The following FRMD6 variants were observed in gnomAD, a reference collection of about 807,000 sequenced individuals.
FRMD6 encodes the protein FERM domain-containing protein 6.
Under a neutral mutation model 73.2 loss-of-function variants are expected in FRMD6, and 37 were observed. That is an observed-to-expected ratio of 0.51 (90% confidence interval 0.39 to 0.66). The LOEUF (loss-of-function observed/expected upper bound fraction) is 0.66. FRMD6 is among the 30% of genes least tolerant of loss of function. FRMD6 has a pLI of 0.00. For synonymous variants in FRMD6, 273 were observed against 282.2 expected (o/e 0.97, Z 0.33); for missense variants, 714 against 780.5 (o/e 0.91, Z 1.02).
intron 5 of FRMD6, among the ~76,000 whole-genome samples, 194 bp downstream of exon 5, chr14:51,702,782 G>A (rs1174129201): frequency 1.3e-5 from 2 of 151,864 alleles, no homozygotes; most frequent in Non-Finnish European, 2.9e-5. Context: ...GATACAATAG[G>A]CATTCAGTAA....
chr14:51,532,741 A>C (rs1885662374), intron 1 of FRMD6, among the ~76,000 whole-genome samples: 1 of 152,232 alleles, frequency 6.6e-6, no homozygotes, highest in Non-Finnish European at 1.5e-5. Context: ...GTTTGTACTT[A>C]GTTCTGTCAT....
intron 1 of FRMD6, among the ~76,000 whole-genome samples, chr14:51,677,992 C>T (rs1894511772): frequency 6.6e-6 from 1 of 152,098 alleles, no homozygotes; most frequent in African/African-American, 2.4e-5. Flanking sequence ...CATCAAACCA[C>T]CTGTGGGGCC....
chr14:51,490,873 C>T (rs17124008), intron 1 of FRMD6, among the ~76,000 whole-genome samples: 2,519 of 152,258 alleles, frequency 0.017, 35 homozygotes, highest in Middle Eastern at 0.054. Context: ...GCTCAAGCTT[C>T]CTTAAAATCC....
upstream of FRMD6, among the ~76,000 whole-genome samples, chr14:51,485,848 G>A (rs905849960): frequency 6.6e-6 from 1 of 151,958 alleles, no homozygotes; most frequent in African/African-American, 2.4e-5. Context: ...TAACTTTCCC[G>A]AGGTGAGGAA....
At chr14:51,705,335 G>T (rs775425999) in intron 6 of FRMD6, among the ~76,000 whole-genome samples, 8 of 151,916 alleles carry the variant, frequency 5.3e-5, no homozygotes, top group Non-Finnish European at 1.0e-4. Flanking sequence ...TCAACTTCTG[G>T]CTCCGGCCTC....
At chr14:51,525,248 C>T (rs1188361336) in intron 1 of FRMD6, among the ~76,000 whole-genome samples, 2 of 151,398 alleles carry the variant, frequency 1.3e-5, no homozygotes, top group East Asian at 1.9e-4. Flanking sequence ...TTTTAAAGGC[C>T]CTTCTTTATT....
At chr14:51,587,817 C>T (rs1372289380) in intron 2 of FRMD6, among the ~76,000 whole-genome samples, 2 of 152,168 alleles carry the variant, frequency 1.3e-5, no homozygotes, top group Non-Finnish European at 2.9e-5. Context: ...ACAAGTGGTC[C>T]CTGTCCATGA....
intron 1 of FRMD6, among the ~76,000 whole-genome samples, chr14:51,675,301 G>T (rs539286309): frequency 2.0e-5 from 3 of 152,162 alleles, no homozygotes; most frequent in Admixed American, 2.0e-4. Context: ...TTGGATCCAT[G>T]TTTCTATGGA....
the FRMD6 span, among the ~76,000 whole-genome samples, chr14:51,412,736 C>T: frequency 6.6e-6 from 1 of 151,792 alleles, no homozygotes; most frequent in African/African-American, 2.4e-5. Context: ...CCTGTAGTCC[C>T]AGCTACTCAG....
chr14:51,446,503 A>T, the FRMD6 span, among the ~76,000 whole-genome samples: 1 of 117,652 alleles, frequency 8.5e-6, no homozygotes, highest in Non-Finnish European at 1.8e-5. Flanking sequence ...TGGGTTCTGG[A>T]TTTCATAGTT....
intron 1 of FRMD6, among the ~76,000 whole-genome samples, chr14:51,687,005 A>G (rs1895202080): frequency 6.6e-6 from 1 of 152,144 alleles, no homozygotes; most frequent in African/African-American, 2.4e-5. Flanking sequence ...TCAAAGCAGA[A>G]AAAGCAGCAA....
upstream of FRMD6, among the ~76,000 whole-genome samples, chr14:51,647,283 G>A (rs373946515): frequency 4.6e-5 from 7 of 152,150 alleles, no homozygotes; most frequent in East Asian, 9.6e-4. Context: ...CATAAGCCCC[G>A]TGCTATGCTG....
At chr14:51,451,088 GA>G in the FRMD6 span, among the ~76,000 whole-genome samples, 1 of 152,216 alleles carries the variant, frequency 6.6e-6, no homozygotes, top group African/African-American at 2.4e-5. Flanking sequence ...GACAAAGGGA[GA>G]TGAGATAGAG....
intron 3 of FRMD6, among the ~76,000 whole-genome samples, chr14:51,698,858 T>C (rs1453869112): frequency 6.6e-6 from 1 of 152,064 alleles, no homozygotes; most frequent in Non-Finnish European, 1.5e-5. Flanking sequence ...TTTCTGGGAC[T>C]TCTCTAAAGC....
chr14:51,500,844 G>A (rs1566779433), intron 1 of FRMD6, among the ~76,000 whole-genome samples: 1 of 152,150 alleles, frequency 6.6e-6, no homozygotes, highest in Non-Finnish European at 1.5e-5. Context: ...AGCCCATACG[G>A]TGAGCAGTAC....
upstream of FRMD6, among the ~76,000 whole-genome samples, chr14:51,487,257 C>T (rs1162710683): frequency 1.3e-5 from 2 of 152,142 alleles, no homozygotes; most frequent in Non-Finnish European, 2.9e-5. Flanking sequence ...AAATGAATTG[C>T]TTGTTATAAA....
chr14:51,398,912 A>G, the FRMD6 span, among the ~76,000 whole-genome samples: 3 of 152,140 alleles, frequency 2.0e-5, no homozygotes, highest in Non-Finnish European at 4.4e-5. Context: ...GCAGATTGCC[A>G]GTGTGTACAG....
chr14:51,562,936 G>A (rs1490467784), intron 1 of FRMD6, among the ~76,000 whole-genome samples: 2 of 152,200 alleles, frequency 1.3e-5, no homozygotes, highest in Non-Finnish European at 2.9e-5. Context: ...TTTGCACAAC[G>A]TCTGGGACCT....
At chr14:51,718,270 A>G (rs1897340883) in intron 10 of FRMD6, among the ~76,000 whole-genome samples, 1 of 152,226 alleles carries the variant, frequency 6.6e-6, no homozygotes. Context: ...TGACAGGAAT[A>G]GGTAGAAAAC....
Sources: allele counts gnomAD v4.1 joint callset (sites outside exome capture counted in the v4.1 genomes callset), GRCh38; gene constraint gnomAD v4.1.1; transcripts MANE v1.5; gene names NCBI Gene and HGNC (gene_info 2026-07-23, HGNC 2026-07-21).